Variants in AGBL4 observed in about 807,000 individuals in gnomAD.
AGBL4 encodes the protein cytosolic carboxypeptidase 6.
A neutral mutation model predicts 66.4 loss-of-function variants in AGBL4; 58 were observed. The ratio of observed to expected loss-of-function variants is 0.87; its 90% confidence interval spans 0.71 to 1.09. The LOEUF is 1.09. Among genes scored for constraint, AGBL4 ranks in the 50% least tolerant of loss-of-function variants. AGBL4 has a pLI of 0.00. For synonymous variants in AGBL4, 234 were observed against 222.9 expected (o/e 1.05, Z -0.44); for missense variants, 579 against 631.0 (o/e 0.92, Z 0.88).
chr1:49,364,479 T>C (rs917621336), intron 3 of AGBL4, among the ~76,000 whole-genome samples: 18 of 146,568 alleles, frequency 1.2e-4, no homozygotes, highest in African/African-American at 4.3e-4. Flanking sequence ...ATGAGAGTAG[T>C]TTTTTTTTTT....
intron 3 of AGBL4, among the ~76,000 whole-genome samples, chr1:49,374,672 A>G (rs1253761798): frequency 3.3e-5 from 5 of 151,910 alleles, no homozygotes; most frequent in Non-Finnish European, 1.5e-5. Flanking sequence ...TACCTTCATC[A>G]TTTACATCTT....
intron 3 of AGBL4, among the ~76,000 whole-genome samples, chr1:49,696,072 C>T (rs1646977446): frequency 6.6e-6 from 1 of 152,096 alleles, no homozygotes; most frequent in African/African-American, 2.4e-5. Context: ...AGAAGCTAAA[C>T]TCCCTACTTT....
chr1:49,669,153 A>T (rs1321411409), intron 3 of AGBL4, among the ~76,000 whole-genome samples: 1 of 152,166 alleles, frequency 6.6e-6, no homozygotes, highest in African/African-American at 2.4e-5. Flanking sequence ...AAGTGATGAG[A>T]ATAGAACCCT....
chr1:49,954,180 C>T (rs1656397808), intron 1 of AGBL4, among the ~76,000 whole-genome samples: 1 of 152,002 alleles, frequency 6.6e-6, no homozygotes, highest in South Asian at 2.1e-4. Context: ...TAGGTGTTAG[C>T]CACTGTGCCC....
At chr1:48,742,630 T>C in intron 6 of AGBL4, 1 of 1,560,758 alleles carries the variant, frequency 6.4e-7, no homozygotes, top group South Asian at 1.2e-5. Flanking sequence ...TACCTTGCCA[T>C]TGTCTAGGAT....
intron 6 of AGBL4, among the ~76,000 whole-genome samples, chr1:48,816,579 T>G (rs1022969961): frequency 3.9e-5 from 6 of 152,210 alleles, no homozygotes; most frequent in Non-Finnish European, 5.9e-5. Flanking sequence ...TGCCAGCCTG[T>G]AACCCTCAGG....
At chr1:49,124,673 C>T (rs1239217537) in intron 4 of AGBL4, among the ~76,000 whole-genome samples, 1 of 152,118 alleles carries the variant, frequency 6.6e-6, no homozygotes, top group African/African-American at 2.4e-5. Flanking sequence ...CACTAACATT[C>T]TTATCATACA....
Position 48,911,639 on chromosome 1 carries a change from AT to A in AGBL4, c.595-44410del, listed in dbSNP as rs556451366. Among the ~76,000 whole-genome samples the A allele has an allele frequency of 5.8e-4, 88 of 150,648 alleles. 1 individual carries two copies. The South Asian group carries it at 0.017, about 30-fold the overall frequency. On this transcript the variant is annotated intron_variant, in intron 5 of 13. Coordinates refer to ENST00000371839, the MANE Select transcript of AGBL4 (RefSeq NM_032785.4). ...CGTCTCAAAAAAAAAAAAAAAAAAA[AT>A]CATAAGGACCAACTTATAGGTTATT...
chr1:49,851,262 C>G lies in AGBL4; in HGVS notation c.157+134G>C, dbSNP rs988538680. 1.2e-5 allele frequency: 12 copies of G among 1,026,890 alleles called. No homozygotes were observed. The African/African-American group carries it at 1.8e-4, about 16-fold the overall frequency. The allele number at this position is 1,026,890 out of a possible 1,614,324, so 63.6% of individuals were successfully genotyped here. A position where few individuals can be genotyped will look rare whatever the true frequency, so the allele number is the denominator to read the frequency against. Reference sequence around the variant, plus strand: ...CAAGTTAGTTCCTTCAAAATTTTTTCCCATAAAACTTGTCCCATTATTGTG... The same window carrying G: ...CAAGTTAGTTCCTTCAAAATTTTTTGCCATAAAACTTGTCCCATTATTGTG... On this transcript the variant is annotated intron_variant, in intron 2 of 13. Transcript: ENST00000371839.
chr1:49,010,599 T>A (rs1365039347), intron 5 of AGBL4, among the ~76,000 whole-genome samples: 23 of 137,248 alleles, frequency 1.7e-4, no homozygotes, highest in African/African-American at 6.4e-4. Flanking sequence ...AGAACAAAGC[T>A]GGAGGCATCA....
At chr1:49,687,642 C>T (rs1394399135) in intron 3 of AGBL4, among the ~76,000 whole-genome samples, 2 of 151,982 alleles carry the variant, frequency 1.3e-5, no homozygotes. Context: ...CATGGTGGTG[C>T]ACTCCTGTAG....
intron 9 of AGBL4, among the ~76,000 whole-genome samples, chr1:48,616,991 C>G (rs116814529): frequency 6.2e-4 from 94 of 152,172 alleles, no homozygotes; most frequent in African/African-American, 2.2e-3. Flanking sequence ...CTCTCTACCC[C>G]CAAAGCACAT....
At chr1:49,599,424 G>T (rs552328269) in intron 3 of AGBL4, among the ~76,000 whole-genome samples, 1 of 152,138 alleles carries the variant, frequency 6.6e-6, no homozygotes, top group South Asian at 2.1e-4. Flanking sequence ...ATGGTAGTTT[G>T]TATTTCTGTG....
At chr1:49,082,105 A>C (rs1333922225) in intron 4 of AGBL4, among the ~76,000 whole-genome samples, 3 of 152,224 alleles carry the variant, frequency 2.0e-5, no homozygotes, top group African/African-American at 7.2e-5. Context: ...AAGTATAATG[A>C]GATGATGATA....
At chr1:48,575,826 C>T (rs539877513) in intron 11 of AGBL4, among the ~76,000 whole-genome samples, 84 of 152,338 alleles carry the variant, frequency 5.5e-4, no homozygotes, top group African/African-American at 1.9e-3. Flanking sequence ...CCCATCTCCT[C>T]CACCACCTGG....
At position 48,663,144 on chromosome 1, in the gene AGBL4, C is replaced by A. The variant is rs756465670; in HGVS notation, c.724+8G>T. On this transcript the variant is annotated splice_region_variant and intron_variant, in intron 7 of 13. Coordinates refer to ENST00000371839, the MANE Select transcript of AGBL4 (RefSeq NM_032785.4). The stretch of plus-strand genomic sequence containing the variant: ...GGTATAGGATACCTATGAGATCCTG[C>A]CACTCACCTTGGCACACAAATGATG... The A allele has an allele frequency of 6.2e-7, 1 of 1,613,822 alleles. No individual in the cohort carries two copies. Among genetic ancestry groups the A allele is most frequent in the South Asian group, 1.1e-5 (1 of 91,068 alleles).
chr1:49,497,847 G>T lies in AGBL4; in HGVS notation c.282+199466C>A, dbSNP rs566138727. Among the ~76,000 whole-genome samples, 4 of 151,962 alleles carry T rather than the reference G, an allele frequency of 2.6e-5. No individual in the cohort carries two copies. In the South Asian group the frequency reaches 8.3e-4, roughly 32 times the overall value. On this transcript the variant is annotated intron_variant, in intron 3 of 13. Coordinates refer to ENST00000371839, the MANE Select transcript of AGBL4 (RefSeq NM_032785.4). ...GTTCTTTTTGCTCAAGGTTGTTTTG[G>T]CTATTTCAAGTCTTCTGTAGTCCCA...
intron 4 of AGBL4, among the ~76,000 whole-genome samples, chr1:49,113,584 A>G (rs1460990878): frequency 1.3e-5 from 2 of 152,328 alleles, no homozygotes. Context: ...TAAAATCGTA[A>G]GGATTTTCTA....
At chr1:48,966,621 A>G (rs1358067223) in intron 5 of AGBL4, among the ~76,000 whole-genome samples, 1 of 152,184 alleles carries the variant, frequency 6.6e-6, no homozygotes, top group Non-Finnish European at 1.5e-5. Flanking sequence ...AAAAACTCTA[A>G]TGCCTATGGT....
Sources: gnomAD v4.1 joint callset for allele counts (sites outside exome capture counted in the v4.1 genomes callset) on GRCh38, gnomAD v4.1.1 for gene constraint, MANE v1.5 for transcripts, NCBI Gene and HGNC (gene_info 2026-07-23, HGNC 2026-07-21) for gene names.